PCDHA4: variants seen among roughly 807,000 people sequenced by gnomAD.
PCDHA4 encodes the protein protocadherin alpha-4.
A neutral mutation model predicts 61.4 loss-of-function variants in PCDHA4; 49 were observed. The observed-to-expected ratio is 0.80, with a 90% CI of 0.63 to 1.01. The LOEUF (loss-of-function observed/expected upper bound fraction) is 1.01, where lower values mean the gene tolerates loss of function less well. Among genes scored for constraint, PCDHA4 ranks in the 50% least tolerant of loss-of-function variants. The pLI is 0.00. For missense variants in PCDHA4, 1,254 were observed against 1,235.8 expected, an observed-to-expected ratio of 1.01 and a Z score of -0.22; for synonymous variants, 590 against 550.3, an observed-to-expected ratio of 1.07 and a Z score of -1.01.
chr5:140,921,367 T>A (rs1165325497), intron 1 of PCDHA4, among the ~76,000 whole-genome samples: 1 of 152,182 alleles, frequency 6.6e-6, no homozygotes, highest in Non-Finnish European at 1.5e-5. Context: ...TCAAGTTTCA[T>A]ATTTCTACAT....
chr5:140,814,732 A>T (rs1021205164), intron 1 of PCDHA4: 3 of 152,210 alleles, frequency 2.0e-5, no homozygotes, highest in African/African-American at 7.2e-5. Context: ...TTTCAGCTCC[A>T]TTATAATCTT....
chr5:140,868,834 A>G (rs1554162245), intron 1 of PCDHA4: 10 of 427,500 alleles, frequency 2.3e-5, no homozygotes, highest in Non-Finnish European at 8.0e-6. Context: ...AAGAAACCCA[A>G]AACACGTGAA....
intron 1 of PCDHA4, among the ~76,000 whole-genome samples, chr5:140,908,378 C>T (rs951348145): frequency 2.6e-5 from 4 of 152,126 alleles, no homozygotes; most frequent in Admixed American, 6.6e-5. Context: ...AGGACCTGCT[C>T]GAGCCCGATC....
chr5:140,898,817 C>T (rs1381051036), intron 1 of PCDHA4, among the ~76,000 whole-genome samples: 1 of 151,766 alleles, frequency 6.6e-6, no homozygotes, highest in Admixed American at 6.6e-5. Context: ...TCTTCCTACC[C>T]ATGAGCATGG....
chr5:140,976,323 G>A (rs532976656), intron 1 of PCDHA4, among the ~76,000 whole-genome samples: 26 of 152,258 alleles, frequency 1.7e-4, no homozygotes, highest in African/African-American at 6.0e-4. Context: ...GGCCGAGGAG[G>A]GTGGATTGCC....
chr5:140,850,095 C>T lies in PCDHA4; in HGVS notation c.2385+40523C>T, dbSNP rs139719626. 631 of 1,596,304 alleles carry T rather than the reference C, an allele frequency of 4.0e-4. 37 individuals are homozygous for T. In the African/African-American group the frequency reaches 7.2e-3, roughly 18 times the overall value. On this transcript the variant is annotated intron_variant, in intron 1 of 3. Transcript: ENST00000530339. ...CGAGGAGCTGGAGCTGCTACAGTTC[C>T]AGGTGAGCGCGCGCGACGCGGGCGT...
At chr5:140,851,681 T>C (rs1405649457) in intron 1 of PCDHA4, 22 of 923,332 alleles carry the variant, frequency 2.4e-5, no homozygotes, top group Non-Finnish European at 2.8e-5. Flanking sequence ...ATTTTCTCCA[T>C]TCAGTGATAA....
chr5:140,823,254 G>T (rs2150123985), intron 1 of PCDHA4: 22 of 1,613,170 alleles, frequency 1.4e-5, no homozygotes, highest in African/African-American at 4.0e-5. Context: ...CCTACTCGCT[G>T]GTGGAGCGGC....
At chr5:140,830,006 G>T (rs755165097) in intron 1 of PCDHA4, 1 of 1,613,960 alleles carries the variant, frequency 6.2e-7, no homozygotes, top group Non-Finnish European at 8.5e-7. Context: ...TGTCCTGGAC[G>T]AAGCGGACTC....
chr5:140,851,723 G>A lies in PCDHA4; in HGVS notation c.2385+42151G>A, dbSNP rs1581264682. 7 of 966,358 alleles carry A rather than the reference G, an allele frequency of 7.2e-6. 1 individual carries two copies. In the South Asian group the frequency reaches 1.4e-4, roughly 20 times the overall value. 59.9% of individuals were successfully genotyped at this position (966,358 alleles called of 1,614,324 possible). A position where few individuals can be genotyped will look rare whatever the true frequency, so the allele number is the denominator to read the frequency against. ...CAGCCATGTGAAGATTCGAAACTTC[G>A]AGTTCTTTTGAAATTCAGAGTCTGT... On this transcript the variant is annotated intron_variant, in intron 1 of 3. Transcript: ENST00000530339.
Position 140,808,198 on chromosome 5 carries a change from T to G in PCDHA4, c.1011T>G (p.Ile337Met). The G allele has an allele frequency of 6.2e-7, 1 of 1,614,222 alleles. No homozygotes were observed. The highest frequency in any genetic ancestry group is 8.5e-7 in the Non-Finnish European group (1 of 1,180,032). Reference sequence around the variant, plus strand: ...CACTTTCTGGCCATTGTAGAGTTATTGTGGAAGTAGAAGACAACAACGATA... The same window carrying G: ...CACTTTCTGGCCATTGTAGAGTTATGGTGGAAGTAGAAGACAACAACGATA... ...QLPLSGHCRV[I>M]VEVEDNNDNV... Residue 337 changes from isoleucine (I) to methionine (M), a missense_variant, in exon 1 of 4, where the codon ATT becomes ATG. Ile to Met is a conservative substitution (Grantham distance 10). Transcript: ENST00000530339.
At chr5:140,862,828 G>A in intron 1 of PCDHA4, 1 of 572,818 alleles carries the variant, frequency 1.7e-6, no homozygotes, top group Non-Finnish European at 3.3e-6. Context: ...GAGAGCGCGC[G>A]ACGCGGGCAT....
intron 1 of PCDHA4, among the ~76,000 whole-genome samples, chr5:140,820,664 A>C (rs2150107541): frequency 7.2e-5 from 11 of 152,100 alleles, no homozygotes; most frequent in Non-Finnish European, 1.6e-4. Flanking sequence ...TTAAACTAAT[A>C]TAAAGATAGC....
At chr5:140,941,202 CCTTTCTTT>C (rs797023184) in intron 1 of PCDHA4, among the ~76,000 whole-genome samples, 5 of 122,740 alleles carry the variant, frequency 4.1e-5, no homozygotes, top group Non-Finnish European at 9.0e-5. Context: ...TTTCTTTCTT[CCTTTCTTT>C]CTTCCTTTCT....
chr5:140,887,387 C>T (rs959255749), intron 1 of PCDHA4, among the ~76,000 whole-genome samples: 8 of 152,106 alleles, frequency 5.3e-5, no homozygotes, highest in Non-Finnish European at 1.5e-5. Context: ...TGAGCCACCG[C>T]GCCCGGCTCT....
chr5:141,010,341 T>G lies in PCDHA4; in HGVS notation c.*404T>G, dbSNP rs199826290. The stretch of plus-strand genomic sequence containing the variant: ...GAGCAGCTTGGGAGTTTGTGGCCAC[T>G]GGGTATGTGTGGCTACCGCGGGTAT... On this transcript the variant is annotated 3_prime_UTR_variant, in exon 4 of 4. Transcript: ENST00000530339. The G allele has an allele frequency of 4.0e-6, 6 of 1,503,220 alleles. No individual in the cohort carries two copies. Among genetic ancestry groups the G allele is most frequent in the Non-Finnish European group, 4.5e-6 (5 of 1,119,592 alleles). The allele number at this position is 1,503,220 out of a possible 1,614,324, so 93.1% of individuals were successfully genotyped here.
At position 140,822,813 on chromosome 5, in the gene PCDHA4, C is replaced by A. The variant is rs1360535940; in HGVS notation, c.2385+13241C>A. 8 of 1,613,942 alleles carry A rather than the reference C, an allele frequency of 5.0e-6. No individual in the cohort carries two copies. The Middle Eastern group carries it at 4.9e-4, about 99-fold the overall frequency. On this transcript the variant is annotated intron_variant, in intron 1 of 3. Transcript: ENST00000530339. ...AACTCCTGGATGTGAATGATAATAC[C>A]CCAGAGATGGCCATAACCACCCTTT...
At chr5:140,843,605 G>A (rs2150363310) in intron 1 of PCDHA4, 2 of 1,596,092 alleles carry the variant, frequency 1.3e-6, no homozygotes, top group East Asian at 2.2e-5. Flanking sequence ...GTGCTCTGGT[G>A]AGGGGCCACC....
intron 1 of PCDHA4, among the ~76,000 whole-genome samples, chr5:140,924,252 G>C (rs1306870811): frequency 1.3e-5 from 2 of 152,214 alleles, no homozygotes; most frequent in African/African-American, 4.8e-5. Flanking sequence ...ATCCTGGTGA[G>C]ATCTAATGAG....
Sources: allele counts gnomAD v4.1 joint callset (sites outside exome capture counted in the v4.1 genomes callset), GRCh38; gene constraint gnomAD v4.1.1; transcripts MANE v1.5; gene names NCBI Gene and HGNC (gene_info 2026-07-23, HGNC 2026-07-21).